The following MAD1L1 variants were observed in gnomAD, a reference collection of about 807,000 sequenced individuals.
MAD1L1 encodes the protein mitotic arrest deficient 1 like 1.
In MAD1L1, 95 loss-of-function variants were observed where a neutral mutation model predicts 96.9. The observed-to-expected ratio is 0.98, with a 90% confidence interval of 0.83 to 1.16. The LOEUF (loss-of-function observed/expected upper bound fraction) is 1.16, where lower values mean the gene tolerates loss of function less well. Among genes scored for constraint, MAD1L1 ranks in the 50% most tolerant of loss-of-function variants. MAD1L1 has a pLI of 0.00. For missense variants in MAD1L1, 1,007 were observed against 954.4 expected (o/e 1.06, Z -0.73); for synonymous variants, 473 against 396.6 (o/e 1.19, Z -2.29).
At position 2,157,479 on chromosome 7, in the gene MAD1L1, T is replaced by C. The variant is rs1277070323; in HGVS notation, c.987-8241A>G. ...CTCCCGACACGGAAGACGCTGCCCA[T>C]CTGGGAGGAGTGGGAGAGCCGGTCC... On this transcript the variant is annotated intron_variant, in intron 10 of 18. Transcript: ENST00000265854. Among the ~76,000 whole-genome samples, 7 of 152,096 alleles carry C rather than the reference T, an allele frequency of 4.6e-5. No individual in the cohort carries two copies. In the East Asian group the frequency reaches 1.4e-3, roughly 29 times the overall value.
chr7:2,056,589 A>G (rs985214096), intron 12 of MAD1L1, among the ~76,000 whole-genome samples: 1 of 152,152 alleles, frequency 6.6e-6, no homozygotes, highest in African/African-American at 2.4e-5. Context: ...GACCCAGGAG[A>G]TACCCACGTG....
intron 15 of MAD1L1, among the ~76,000 whole-genome samples, chr7:1,973,107 G>C (rs887358520): frequency 6.6e-6 from 1 of 152,192 alleles, no homozygotes; most frequent in Admixed American, 6.5e-5. Context: ...GAATGCAGAG[G>C]CAAGAGTCCT....
At chr7:2,229,348 C>T (rs1225571546) in intron 3 of MAD1L1, among the ~76,000 whole-genome samples, 1 of 152,234 alleles carries the variant, frequency 6.6e-6, no homozygotes, top group African/African-American at 2.4e-5. Context: ...ATCGCAGCCC[C>T]AACTGGGACT....
At chr7:2,156,435 C>T (rs1681630161) in intron 10 of MAD1L1, among the ~76,000 whole-genome samples, 1 of 152,198 alleles carries the variant, frequency 6.6e-6, no homozygotes, top group Non-Finnish European at 1.5e-5. Context: ...AATCAAGACC[C>T]CCCTGAAGGC....
chr7:1,874,793 G>A (rs562475690), intron 18 of MAD1L1, among the ~76,000 whole-genome samples: 1 of 152,066 alleles, frequency 6.6e-6, no homozygotes, highest in South Asian at 2.1e-4. Context: ...AGGAGAGAGA[G>A]GTTGGGTAGG....
chr7:2,090,963 G>A (rs1283107774), intron 11 of MAD1L1, among the ~76,000 whole-genome samples: 1 of 152,196 alleles, frequency 6.6e-6, no homozygotes, highest in Non-Finnish European at 1.5e-5. Flanking sequence ...GGGAGGAGCT[G>A]CATCTGCCCC....
chr7:2,057,999 C>CG (rs1347988259), intron 12 of MAD1L1, among the ~76,000 whole-genome samples: 3 of 143,624 alleles, frequency 2.1e-5, no homozygotes, highest in Non-Finnish European at 4.5e-5. Context: ...AGGAGAGGCG[C>CG]GGGGCTGGAG....
intron 18 of MAD1L1, among the ~76,000 whole-genome samples, chr7:1,839,768 TCA>T (rs1305104265): frequency 6.6e-6 from 1 of 150,610 alleles, no homozygotes; most frequent in Non-Finnish European, 1.5e-5. Context: ...CAGGGCAATG[TCA>T]GAGACCATCT....
chr7:2,161,948 C>A (rs1237225695), intron 10 of MAD1L1, among the ~76,000 whole-genome samples: 1 of 144,248 alleles, frequency 6.9e-6, no homozygotes, highest in African/African-American at 2.5e-5. Flanking sequence ...AGCCCCCACC[C>A]GGCCAGCCAC....
intron 18 of MAD1L1, among the ~76,000 whole-genome samples, chr7:1,835,455 G>A (rs1030784053): frequency 2.0e-5 from 3 of 152,174 alleles, no homozygotes; most frequent in African/African-American, 7.2e-5. Flanking sequence ...TAACACATGA[G>A]TTTAGCGAAG....
intron 14 of MAD1L1, among the ~76,000 whole-genome samples, chr7:1,994,017 AC>A (rs921585543): frequency 6.6e-6 from 1 of 152,118 alleles, no homozygotes; most frequent in African/African-American, 2.4e-5. Context: ...CTGGGTGTGA[AC>A]CCTGGAGCAC....
At chr7:2,144,498 G>C (rs1489071450) in intron 11 of MAD1L1, among the ~76,000 whole-genome samples, 1 of 152,158 alleles carries the variant, frequency 6.6e-6, no homozygotes, top group East Asian at 1.9e-4. Flanking sequence ...TCCCAGCCCT[G>C]TTCTTCACGA....
intron 5 of MAD1L1, among the ~76,000 whole-genome samples, chr7:2,221,353 G>A (rs1452209838): frequency 2.0e-5 from 3 of 152,184 alleles, no homozygotes; most frequent in East Asian, 1.9e-4. Flanking sequence ...CAGCTTCTCG[G>A]GAGCCAATCA....
At chr7:2,149,757 T>G (rs959558695) in intron 10 of MAD1L1, among the ~76,000 whole-genome samples, 1 of 152,212 alleles carries the variant, frequency 6.6e-6, no homozygotes, top group African/African-American at 2.4e-5. Flanking sequence ...ACGAGGAAAC[T>G]CAGACTCCAA....
At chr7:1,822,438 A>G (rs1782174108) in intron 18 of MAD1L1, among the ~76,000 whole-genome samples, 1 of 90,468 alleles carries the variant, frequency 1.1e-5, no homozygotes, top group Admixed American at 1.0e-4. Context: ...GCATATATAT[A>G]TATATTTTTT....
chr7:1,885,038 G>C lies in MAD1L1; in HGVS notation c.1998+13162C>G, dbSNP rs142409065. Among the ~76,000 whole-genome samples, 626 of 152,322 alleles carry C rather than the reference G, an allele frequency of 4.1e-3. 5 individuals carry two copies. The highest frequency in any genetic ancestry group is 0.014 in the African/African-American group (574 of 41,564). ...TGGTCAAAACCCATACATGTGAATG[G>C]TGAGCACACTTCTCCAACAACCTAA... On this transcript the variant is annotated intron_variant, in intron 18 of 18. Coordinates refer to ENST00000265854, the MANE Select transcript of MAD1L1 (RefSeq NM_001013836.2).
intron 18 of MAD1L1, among the ~76,000 whole-genome samples, chr7:1,843,915 G>A (rs940497376): frequency 5.9e-5 from 9 of 152,200 alleles, no homozygotes; most frequent in Admixed American, 1.3e-4. Context: ...CTTCAGCCAC[G>A]GCCACTCCAT....
chr7:2,042,516 T>C (rs1562631408), intron 12 of MAD1L1, among the ~76,000 whole-genome samples: 2 of 152,206 alleles, frequency 1.3e-5, no homozygotes, highest in Non-Finnish European at 2.9e-5. Context: ...CTTGGCGATA[T>C]GGTTTGGATG....
At chr7:1,826,608 G>A (rs1215148631) in intron 18 of MAD1L1, among the ~76,000 whole-genome samples, 2 of 152,162 alleles carry the variant, frequency 1.3e-5, no homozygotes, top group African/African-American at 4.8e-5. Context: ...CGGGGGAGAC[G>A]ACACAGCCGG....
Sources: gnomAD v4.1 joint callset for allele counts (sites outside exome capture counted in the v4.1 genomes callset) on GRCh38, gnomAD v4.1.1 for gene constraint, MANE v1.5 for transcripts, NCBI Gene and HGNC (gene_info 2026-07-23, HGNC 2026-07-21) for gene names.